Variants in MARCHF1 observed in about 807,000 individuals in gnomAD.
MARCHF1 encodes the protein membrane associated ring-CH-type finger 1.
A neutral mutation model predicts 54.2 loss-of-function variants in MARCHF1; 40 were observed. The observed-to-expected ratio is 0.74, with a 90% CI of 0.57 to 0.96. The LOEUF is 0.96. Ranked by LOEUF, MARCHF1 falls within the 40% of genes least tolerant of loss-of-function variation. MARCHF1 has a pLI of 0.00. For missense variants in MARCHF1, 586 were observed against 656.5 expected, an observed-to-expected ratio of 0.89 and a Z score of 1.17; for synonymous variants, 236 against 236.3, an observed-to-expected ratio of 1.00 and a Z score of 0.01.
At chr4:164,242,459 A>G (rs1312978464) in intron 1 of MARCHF1, among the ~76,000 whole-genome samples, 1 of 146,428 alleles carries the variant, frequency 6.8e-6, no homozygotes, top group Non-Finnish European at 1.5e-5. Flanking sequence ...AAGGACATCC[A>G]CACCAAAAAC....
intron 5 of MARCHF1, among the ~76,000 whole-genome samples, chr4:163,616,301 A>G (rs1393565856): frequency 6.6e-6 from 1 of 152,114 alleles, no homozygotes; most frequent in Non-Finnish European, 1.5e-5. Flanking sequence ...AAAACAATCA[A>G]CGTAGTGAAG....
At chr4:163,988,832 G>C (rs942917268) in intron 2 of MARCHF1, 123 bp from the exon 3 acceptor site, 1 of 152,210 alleles carries the variant, frequency 6.6e-6, no homozygotes, top group Admixed American at 6.5e-5. Context: ...ATAATCCAGG[G>C]AGTACTGCAT....
chr4:164,181,472 C>T lies in MARCHF1; in HGVS notation c.-322-69810G>A, dbSNP rs73873807. Among the ~76,000 whole-genome samples the T allele has an allele frequency of 3.8e-3, 577 of 152,208 alleles. 3 individuals are homozygous for T. Among genetic ancestry groups the T allele is most frequent in the Middle Eastern group, 0.01 (3 of 294 alleles). ...TGTTCAAGAACTACAACTAATTTCA[C>T]GCTAGGGAATAGACAAAGAAAAGAC... is the stretch of plus-strand genomic sequence containing the variant. On this transcript the variant is annotated intron_variant, in intron 1 of 9. Coordinates refer to ENST00000514618, the MANE Select transcript of MARCHF1 (RefSeq NM_001394959.1).
At chr4:163,902,689 C>T (rs1750967707) in intron 3 of MARCHF1, among the ~76,000 whole-genome samples, 1 of 152,176 alleles carries the variant, frequency 6.6e-6, no homozygotes, top group Non-Finnish European at 1.5e-5. Flanking sequence ...CTTAGTCTTT[C>T]TATCAAAAGG....
At chr4:163,569,331 A>G (rs1372337042) in intron 8 of MARCHF1, among the ~76,000 whole-genome samples, 1 of 152,014 alleles carries the variant, frequency 6.6e-6, no homozygotes, top group Non-Finnish European at 1.5e-5. Context: ...AGTTTTTTGT[A>G]TCTTTGAATT....
At chr4:163,933,055 A>G in intron 3 of MARCHF1, 1 of 1,479,658 alleles carries the variant, frequency 6.8e-7, no homozygotes. Flanking sequence ...TTTTACTATG[A>G]GATTCTTAAT....
At chr4:163,643,337 A>AATAAAG (rs1396317163) in intron 5 of MARCHF1, among the ~76,000 whole-genome samples, 1 of 150,920 alleles carries the variant, frequency 6.6e-6, no homozygotes, top group African/African-American at 2.4e-5. Context: ...CAAAAATAAA[A>AATAAAG]ATAAAAATAA....
intron 4 of MARCHF1, among the ~76,000 whole-genome samples, chr4:163,820,559 T>C (rs949972023): frequency 6.6e-6 from 1 of 152,078 alleles, no homozygotes; most frequent in Admixed American, 6.6e-5. Flanking sequence ...TCTAGTTACA[T>C]CTTACTTTGG....
chr4:163,901,025 T>A (rs554437023), intron 3 of MARCHF1, among the ~76,000 whole-genome samples: 24 of 152,320 alleles, frequency 1.6e-4, no homozygotes, highest in African/African-American at 5.8e-4. Context: ...TACACTTTTG[T>A]TCACCACATA....
In MARCHF1 at chr4:164,057,843, G is replaced by A. The variant is rs143313537; in HGVS notation, c.-248+53745C>T. The stretch of plus-strand genomic sequence containing the variant: ...GCAAACACCCTTAGCTGACAAAAGA[G>A]GTAATCATTTTTTCTTAAAAGGATG... On this transcript the variant is annotated intron_variant, in intron 2 of 9. Transcript: ENST00000514618. Among the ~76,000 whole-genome samples, 1,198 of 152,184 alleles carry A rather than the reference G, an allele frequency of 7.9e-3. 7 individuals are homozygous for A. Among genetic ancestry groups the A allele is most frequent in the South Asian group, 0.017 (81 of 4,820 alleles).
rs1741371397 is a variant in MARCHF1 at position 163,612,345 on chromosome 4, C to T, written c.936G>A (p.Gly312=). 1 of 1,534,958 alleles carries T rather than the reference C, an allele frequency of 6.5e-7. No individual in the cohort carries two copies. Among genetic ancestry groups the T allele is most frequent in the Non-Finnish European group, 8.7e-7 (1 of 1,146,348 alleles). Reference sequence around the variant, plus strand: ...TCTGAACAGGGTTATTCACCTGGAGCCCTGCATCATTCATGTCCTTGCTGC... The same window carrying T: ...TCTGAACAGGGTTATTCACCTGGAGTCCTGCATCATTCATGTCCTTGCTGC... ...PEGSKDMNDA[G]LQVNNPVQKP... Residue 312 remains glycine (G), a synonymous_variant, in exon 7 of 10, where the codon GGG becomes GGA. Transcript: ENST00000514618.
chr4:163,558,655 A>G (rs1194589294), intron 8 of MARCHF1, among the ~76,000 whole-genome samples: 1 of 152,198 alleles, frequency 6.6e-6, no homozygotes, highest in Non-Finnish European at 1.5e-5. Flanking sequence ...AGGGGTGTGG[A>G]TTGGCTCAGG....
At chr4:164,280,692 T>C (rs963332907) in intron 1 of MARCHF1, among the ~76,000 whole-genome samples, 2 of 152,128 alleles carry the variant, frequency 1.3e-5, no homozygotes, top group African/African-American at 4.8e-5. Context: ...ATGAGGCACT[T>C]TAAAAATGGA....
rs1189088383 is a variant in MARCHF1 at position 164,283,716 on chromosome 4, CA to C, written c.-323+100153del. ...AATAAGAAAATAGCAAAATGGAGTCCAAAATTACCAACAGAGTCATTAAACA... is the reference window on the plus strand; with the variant it reads ...AATAAGAAAATAGCAAAATGGAGTCCAAATTACCAACAGAGTCATTAAACA... On this transcript the variant is annotated intron_variant, in intron 1 of 9. Coordinates refer to ENST00000514618, the MANE Select transcript of MARCHF1 (RefSeq NM_001394959.1). 2.7e-5 allele frequency among the ~76,000 whole-genome samples: 4 copies of C among 150,670 alleles called. 1 individual carries two copies. In the Admixed American group the frequency reaches 2.7e-4, roughly 10 times the overall value.
intron 5 of MARCHF1, among the ~76,000 whole-genome samples, chr4:163,629,799 T>C (rs1742009363): frequency 6.6e-6 from 1 of 150,690 alleles, no homozygotes; most frequent in African/African-American, 2.4e-5. Flanking sequence ...ATCTGCACGT[T>C]CTGCACATGC....
At chr4:163,817,424 G>GAC (rs757189484) in intron 4 of MARCHF1, among the ~76,000 whole-genome samples, 5 of 147,622 alleles carry the variant, frequency 3.4e-5, no homozygotes, top group African/African-American at 1.2e-4. Flanking sequence ...TGTATATATA[G>GAC]ACACACACAC....
intron 5 of MARCHF1, among the ~76,000 whole-genome samples, chr4:163,684,173 G>A (rs558139404): frequency 6.6e-6 from 1 of 152,128 alleles, no homozygotes; most frequent in South Asian, 2.1e-4. Context: ...AGTAGCAAAG[G>A]TTCGCCTAGT....
At chr4:163,860,949 C>A (rs1405279544) in intron 3 of MARCHF1, among the ~76,000 whole-genome samples, 2 of 151,982 alleles carry the variant, frequency 1.3e-5, no homozygotes, top group South Asian at 2.1e-4. Context: ...AGAAAGCTGG[C>A]AAAAACAGTG....
chr4:163,910,181 G>A (rs1751159792), intron 3 of MARCHF1, among the ~76,000 whole-genome samples: 1 of 152,158 alleles, frequency 6.6e-6, no homozygotes, highest in Middle Eastern at 3.4e-3. Context: ...AATTTTCTAT[G>A]AATAACTAAA....
Sources: allele counts gnomAD v4.1 joint callset (sites outside exome capture counted in the v4.1 genomes callset), GRCh38; gene constraint gnomAD v4.1.1; transcripts MANE v1.5; gene names NCBI Gene and HGNC (gene_info 2026-07-23, HGNC 2026-07-21).